KLHL24: variants seen among roughly 807,000 people sequenced by gnomAD.
KLHL24 encodes the protein kelch-like protein 24.
KLHL24 carries 29 observed loss-of-function variants against 53.4 expected under a neutral mutation model. The ratio of observed to expected loss-of-function variants is 0.54; its 90% confidence interval spans 0.40 to 0.74. The LOEUF (loss-of-function observed/expected upper bound fraction) is 0.74. KLHL24 is among the 30% of genes least tolerant of loss of function. KLHL24 has a pLI of 0.00. For missense variants in KLHL24, 504 were observed against 744.0 expected, an observed-to-expected ratio of 0.68 and a Z score of 3.75; for synonymous variants, 222 against 253.7, an observed-to-expected ratio of 0.88 and a Z score of 1.19.
intron 1 of KLHL24, among the ~76,000 whole-genome samples, chr3:183,642,225 T>C (rs1716552067): frequency 6.6e-6 from 1 of 152,184 alleles, no homozygotes; most frequent in Non-Finnish European, 1.5e-5. Flanking sequence ...TTATTGTCCA[T>C]TGGGAAGGAA....
At position 183,641,323 on chromosome 3, in the gene KLHL24, T is replaced by A. The variant is rs1297580194; in HGVS notation, c.-124-2157T>A. On this transcript the variant is annotated intron_variant, in intron 1 of 7. Transcript: ENST00000242810. Reference sequence around the variant, plus strand: ...TCCTGGCCAACATGGTGAAACCCCGTCTCTACTAAAAATACATGGTGGCGC... The same window carrying A: ...TCCTGGCCAACATGGTGAAACCCCGACTCTACTAAAAATACATGGTGGCGC... 2.8e-4 allele frequency among the ~76,000 whole-genome samples: 43 copies of A among 151,790 alleles called. 1 individual carries two copies. Among genetic ancestry groups the A allele is most frequent in the Non-Finnish European group, 1.5e-5 (1 of 67,970 alleles).
Position 183,650,446 on chromosome 3 carries a change from C to T in KLHL24, c.90C>T (p.Asp30=). 1 of 1,614,010 alleles carries T rather than the reference C, an allele frequency of 6.2e-7. No individual in the cohort carries two copies. The highest frequency in any genetic ancestry group is 8.5e-7 in the Non-Finnish European group (1 of 1,179,948). The change falls in exon 3 of 8, where the codon GAC becomes GAT. Residue 30 remains aspartate, a synonymous_variant. Transcript: ENST00000242810. The surrounding 1 kb of genome is among the most constrained non-coding windows in gnomAD (Gnocchi z 4.5). ...PATKRKVFEM[D]PKSLTGHEFF... is the part of the protein sequence containing the mutation. ...CTAAGCGAAAAGTTTTTGAAATGGA[C>T]CCCAAATCTCTGACAGGTCATGAGT...
At chr3:183,671,263 CAAG>C in intron 6 of KLHL24, 41 bp downstream of exon 6, 1 of 1,552,780 alleles carries the variant, frequency 6.4e-7, no homozygotes, top group Non-Finnish European at 8.8e-7. Flanking sequence ...ATATTAAGTA[CAAG>C]AAGGGAAATA....
At chr3:183,675,312 T>G (rs1711642942) in intron 7 of KLHL24, among the ~76,000 whole-genome samples, 1 of 152,170 alleles carries the variant, frequency 6.6e-6, no homozygotes, top group African/African-American at 2.4e-5. Context: ...TGAGGTATAG[T>G]CTCCAATTAG....
chr3:183,640,600 CTTTTTTTTTTTT>C lies in KLHL24; in HGVS notation c.-124-2874_-124-2863del. Reference sequence around the variant, plus strand: ...TTCTTTTTTTTCTTTTTTCTTTTTTCTTTTTTTTTTTTTTTTTGAGACAGAGTCTTGCTCTGT... The same window carrying C: ...TTCTTTTTTTTCTTTTTTCTTTTTTCTTTTTGAGACAGAGTCTTGCTCTGT... On this transcript the variant is annotated intron_variant, in intron 1 of 7. Transcript: ENST00000242810. Among the ~76,000 whole-genome samples, 2 of 61,664 alleles carry C rather than the reference CTTTTTTTTTTTT, an allele frequency of 3.2e-5. 1 individual carries two copies. The highest frequency in any genetic ancestry group is 1.8e-4 in the African/African-American group (2 of 10,818). The allele number at this position is 61,664 out of a possible 152,430, so 40.5% of individuals were successfully genotyped here.
At chr3:183,658,783 T>C (rs1416543633) in intron 3 of KLHL24, among the ~76,000 whole-genome samples, 7 of 151,828 alleles carry the variant, frequency 4.6e-5, no homozygotes, top group South Asian at 4.1e-4. Context: ...CTCATAATTT[T>C]CATTTACATT....
rs942107402 is a variant in KLHL24, at chr3:183,679,390, A to G, written c.*104A>G. The stretch of plus-strand genomic sequence containing the variant: ...ATCTCCTTTGTGCCATATGCAAAAA[A>G]TAGTAAAAATAATAATTTGGTGCCT... On this transcript the variant is annotated 3_prime_UTR_variant, in exon 8 of 8. Transcript: ENST00000242810. The G allele has an allele frequency of 4.2e-6, 3 of 721,190 alleles. No individual in the cohort carries two copies. The highest frequency in any genetic ancestry group is 2.7e-5 in the East Asian group (1 of 36,758). 44.7% of individuals were successfully genotyped at this position (721,190 alleles called of 1,614,324 possible).
chr3:183,659,031 C>T (rs576821990), intron 3 of KLHL24, among the ~76,000 whole-genome samples: 2 of 152,078 alleles, frequency 1.3e-5, no homozygotes, highest in Non-Finnish European at 2.9e-5. Context: ...GTCTCAAACT[C>T]CTGGGCTCAA....
At chr3:183,641,688 C>A (rs1482381809) in intron 1 of KLHL24, among the ~76,000 whole-genome samples, 1 of 152,008 alleles carries the variant, frequency 6.6e-6, no homozygotes, top group East Asian at 1.9e-4. Context: ...CCATGCTAGT[C>A]AGGATGTTGT....
intron 3 of KLHL24, among the ~76,000 whole-genome samples, 198 bp downstream of exon 3, chr3:183,651,474 T>C (rs1429445917): frequency 6.6e-6 from 1 of 152,230 alleles, no homozygotes. Flanking sequence ...TTTTTGTTAT[T>C]GTTGTTTTGT....
Position 183,663,298 on chromosome 3 carries a change from A to T in KLHL24, c.921-160A>T, listed in dbSNP as rs1720063432. Reference sequence around the variant, plus strand: ...CTCCCCTATAAACGTTCTCAAAGTAAGTAATTTCCAGGCTGTACCGTTTGG... The same window carrying T: ...CTCCCCTATAAACGTTCTCAAAGTATGTAATTTCCAGGCTGTACCGTTTGG... On this transcript the variant is annotated intron_variant, in intron 3 of 7. Transcript: ENST00000242810. This position sits in a 1 kb window ranked among gnomAD's most constrained non-coding sequence, Gnocchi z 4.9. Among the ~76,000 whole-genome samples the T allele has an allele frequency of 6.6e-6, 1 of 152,208 alleles. No homozygotes were observed. The highest frequency in any genetic ancestry group is 1.9e-4 in the East Asian group (1 of 5,198).
chr3:183,663,542 C>T lies in KLHL24; in HGVS notation c.1005C>T (p.Tyr335=), dbSNP rs768400368. 4.4e-6 allele frequency: 7 copies of T among 1,608,496 alleles called. No individual in the cohort carries two copies. Among genetic ancestry groups the T allele is most frequent in the South Asian group, 2.2e-5 (2 of 90,132 alleles). ...GGFNLPYTEC[Y]DPVTGEWKSL... ...TTAATCTTCCATACACTGAGTGCTACGATCCTGTAACAGGAGAATGGAAGT... is the reference window on the plus strand; with the variant it reads ...TTAATCTTCCATACACTGAGTGCTATGATCCTGTAACAGGAGAATGGAAGT... The change falls in exon 4 of 8, where the codon TAC becomes TAT. Residue 335 remains tyrosine (Y), a synonymous_variant. Transcript: ENST00000242810. The surrounding 1 kb of genome is among the most constrained non-coding windows in gnomAD (Gnocchi z 4.9).
rs917333872 is a variant in KLHL24, at chr3:183,679,986, G to A, written c.*700G>A. The A allele has an allele frequency of 6.6e-6, 1 of 152,184 alleles. No homozygotes were observed. The highest frequency in any genetic ancestry group is 2.4e-5 in the African/African-American group (1 of 41,458). 9.4% of individuals were successfully genotyped at this position (152,184 alleles called of 1,614,324 possible). Reference sequence around the variant, plus strand: ...ATTAAAATTACAAGTTAATTCCTAAGAGAAAAATGGAATGGCCTTTGAAGG... The same window carrying A: ...ATTAAAATTACAAGTTAATTCCTAAAAGAAAAATGGAATGGCCTTTGAAGG... On this transcript the variant is annotated 3_prime_UTR_variant, in exon 8 of 8. Coordinates refer to ENST00000242810, the MANE Select transcript of KLHL24 (RefSeq NM_017644.3).
At chr3:183,661,294 T>C (rs1455073407) in intron 3 of KLHL24, among the ~76,000 whole-genome samples, 1 of 152,040 alleles carries the variant, frequency 6.6e-6, no homozygotes, top group African/African-American at 2.4e-5. Context: ...ATTCACTCTC[T>C]AGAAATAGAT....
intron 5 of KLHL24, among the ~76,000 whole-genome samples, chr3:183,667,408 G>A (rs1412159757): frequency 6.6e-6 from 1 of 152,222 alleles, no homozygotes; most frequent in Non-Finnish European, 1.5e-5. Flanking sequence ...TTGCACAGCA[G>A]TAGGTGAGCA....
At chr3:183,660,704 C>T (rs146243188) in intron 3 of KLHL24, among the ~76,000 whole-genome samples, 2 of 152,146 alleles carry the variant, frequency 1.3e-5, no homozygotes, top group African/African-American at 4.8e-5. Context: ...AGCAGTCCTA[C>T]CTATTGCCAT....
chr3:183,679,523 A>C lies in KLHL24; in HGVS notation c.*237A>C, dbSNP rs534807776. ...GGTGGTTGTTACTTGGCCTTTGAAG[A>C]GTGTACCTTTGTAAGTATTTGTAAG... On this transcript the variant is annotated 3_prime_UTR_variant, in exon 8 of 8. Coordinates refer to ENST00000242810, the MANE Select transcript of KLHL24 (RefSeq NM_017644.3). 3 of 467,838 alleles carry C rather than the reference A, an allele frequency of 6.4e-6. No individual in the cohort carries two copies. The highest frequency in any genetic ancestry group is 7.6e-5 in the Admixed American group (2 of 26,412). The allele number at this position is 467,838 out of a possible 1,614,324, so 29.0% of individuals were successfully genotyped here.
chr3:183,639,253 TAA>T (rs1715900339), intron 1 of KLHL24, among the ~76,000 whole-genome samples: 1 of 152,182 alleles, frequency 6.6e-6, no homozygotes, highest in African/African-American at 2.4e-5. Context: ...GCTACCACTG[TAA>T]ATAATTCGTG....
intron 5 of KLHL24, among the ~76,000 whole-genome samples, chr3:183,667,589 A>C (rs892972128): frequency 6.6e-6 from 1 of 151,936 alleles, no homozygotes. Context: ...AAACCATCCC[A>C]TCCCCGACCA....
Sources: allele counts gnomAD v4.1 joint callset (sites outside exome capture counted in the v4.1 genomes callset), GRCh38; gene constraint gnomAD v4.1.1; non-coding constraint Gnocchi (gnomAD v3.1); transcripts MANE v1.5; gene names NCBI Gene and HGNC (gene_info 2026-07-23, HGNC 2026-07-21).